The following MAN1A2 variants were observed in gnomAD, a reference collection of about 807,000 sequenced individuals.
The protein encoded by MAN1A2 is mannosyl-oligosaccharide 1,2-alpha-mannosidase IB.
MAN1A2 carries 26 observed loss-of-function variants against 75.7 expected under a neutral mutation model. The ratio of observed to expected loss-of-function variants is 0.34; its 90% confidence interval spans 0.25 to 0.48. The LOEUF (loss-of-function observed/expected upper bound fraction) is 0.48. MAN1A2 is among the 20% of genes least tolerant of loss of function. The probability of loss-of-function intolerance (pLI) is 0.99; values close to 1 mark genes in which losing one functional copy is unlikely to be tolerated. For missense variants in MAN1A2, 562 were observed against 775.5 expected (o/e 0.72, Z 3.27); for synonymous variants, 247 against 264.6 (o/e 0.93, Z 0.65).
chr1:117,431,406 C>T (rs1020616945), intron 5 of MAN1A2, among the ~76,000 whole-genome samples: 13 of 151,968 alleles, frequency 8.6e-5, no homozygotes, highest in South Asian at 6.2e-4. Context: ...GGTAATTCCA[C>T]AAAGATTGTT....
chr1:117,504,429 A>G (rs1194448804), intron 12 of MAN1A2, among the ~76,000 whole-genome samples: 1 of 150,580 alleles, frequency 6.6e-6, no homozygotes, highest in African/African-American at 2.4e-5. Context: ...ACACTCACAT[A>G]TACACATAGT....
chr1:117,373,190 A>G (rs1271486736), intron 1 of MAN1A2, among the ~76,000 whole-genome samples: 2 of 151,480 alleles, frequency 1.3e-5, no homozygotes, highest in Non-Finnish European at 2.9e-5. Flanking sequence ...AAGAGTAGAG[A>G]TTTCAAATCT....
chr1:117,524,311 G>C lies in MAN1A2; in HGVS notation c.*1354G>C, dbSNP rs919928075. On this transcript the variant is annotated 3_prime_UTR_variant, in exon 13 of 13. Coordinates refer to ENST00000356554, the MANE Select transcript of MAN1A2 (RefSeq NM_006699.5). ...CTAGTTCTTTATATTTTGACAAAAAGAACTTAAATTTTATCAGGAACTGTA... is the reference window on the plus strand; with the variant it reads ...CTAGTTCTTTATATTTTGACAAAAACAACTTAAATTTTATCAGGAACTGTA... 2 of 152,020 alleles carry C rather than the reference G, an allele frequency of 1.3e-5. No individual in the cohort carries two copies. The highest frequency in any genetic ancestry group is 3.0e-5 in the Non-Finnish European group (2 of 67,788). The allele number at this position is 152,020 out of a possible 1,614,324, so 9.4% of individuals were successfully genotyped here.
In MAN1A2 at chr1:117,523,472, G is replaced by A; in HGVS notation, c.*515G>A. 4.1e-6 allele frequency: 1 copy of A among 243,518 alleles called. No individual in the cohort carries two copies. The highest frequency in any genetic ancestry group is 2.3e-5 in the African/African-American group (1 of 43,264). 15.1% of individuals were successfully genotyped at this position (243,518 alleles called of 1,614,324 possible). ...ACAAAAGAATAGTATAATTATATCA[G>A]TAACAAGAAGACTCAAAAAAGAAAC... On this transcript the variant is annotated 3_prime_UTR_variant, in exon 13 of 13. Transcript: ENST00000356554.
chr1:117,495,643 A>G (rs1651016065), intron 9 of MAN1A2, among the ~76,000 whole-genome samples: 1 of 151,786 alleles, frequency 6.6e-6, no homozygotes, highest in Non-Finnish European at 1.5e-5. Flanking sequence ...ATATCTTTTA[A>G]TTGTAATATG....
At position 117,524,987 on chromosome 1, in the gene MAN1A2, G is replaced by T; in HGVS notation, c.*2030G>T. 1 of 370,472 alleles carries T rather than the reference G, an allele frequency of 2.7e-6. No homozygotes were observed. The highest frequency in any genetic ancestry group is 5.6e-6 in the Non-Finnish European group (1 of 177,224). 22.9% of individuals were successfully genotyped at this position (370,472 alleles called of 1,614,324 possible). A position where few individuals can be genotyped will look rare whatever the true frequency, so the allele number is the denominator to read the frequency against. ...GAGAAAAAGTGAAAAACTTGAGTTG[G>T]CAAAGATGCAGAGCAGCAGTGCAGA... is the stretch of plus-strand genomic sequence containing the variant. On this transcript the variant is annotated 3_prime_UTR_variant, in exon 13 of 13. Transcript: ENST00000356554.
intron 12 of MAN1A2, among the ~76,000 whole-genome samples, chr1:117,509,154 G>C (rs1651458501): frequency 6.6e-6 from 1 of 151,452 alleles, no homozygotes; most frequent in African/African-American, 2.4e-5. Context: ...ACTAAGTAAA[G>C]TAAAAGACAG....
chr1:117,445,880 G>GTATATATATATATATATATA (rs771435341), intron 6 of MAN1A2, among the ~76,000 whole-genome samples: 7 of 125,946 alleles, frequency 5.6e-5, no homozygotes, highest in Admixed American at 1.6e-4. Context: ...GTGTCTGTGT[G>GTATATATATATATATATATA]TGTGTATATA....
At chr1:117,372,528 C>T (rs968772040) in intron 1 of MAN1A2, among the ~76,000 whole-genome samples, 1 of 152,040 alleles carries the variant, frequency 6.6e-6, no homozygotes, top group Non-Finnish European at 1.5e-5. Flanking sequence ...TTAAGTAGTT[C>T]ATAAATAATC....
Position 117,496,058 on chromosome 1 carries a change from T to C in MAN1A2, c.1285-705T>C, listed in dbSNP as rs184653031. On this transcript the variant is annotated intron_variant, in intron 9 of 12. Transcript: ENST00000356554. ...AAACTCACATTATTATTATGGAGAA[T>C]ACAGAGTAAAATTTTCCAAGGCTGA... Among the ~76,000 whole-genome samples the C allele has an allele frequency of 2.2e-4, 33 of 152,048 alleles. 1 individual carries two copies. The highest frequency in any genetic ancestry group is 1.8e-3 in the East Asian group (9 of 5,140).
chr1:117,473,436 A>G (rs1650223857), intron 8 of MAN1A2, among the ~76,000 whole-genome samples: 1 of 152,042 alleles, frequency 6.6e-6, no homozygotes, highest in Non-Finnish European at 1.5e-5. Flanking sequence ...TATTCCTAAT[A>G]CAGGAGCCAG....
chr1:117,466,250 A>G (rs1649977341), intron 7 of MAN1A2, 84 bp from the exon 8 acceptor site: 1 of 871,742 alleles, frequency 1.1e-6, no homozygotes, highest in Non-Finnish European at 1.8e-6. Context: ...ATTCTGAGTA[A>G]GAAAAAACAC....
Position 117,523,379 on chromosome 1 carries a change from C to A in MAN1A2, c.*422C>A. The A allele has an allele frequency of 5.1e-6, 2 of 392,782 alleles. No individual in the cohort carries two copies. The highest frequency in any genetic ancestry group is 7.4e-5 in the East Asian group (1 of 13,502). 24.3% of individuals were successfully genotyped at this position (392,782 alleles called of 1,614,324 possible). ...TCCTACAGTGGAGCAGCATTCAAAT[C>A]AAATATTTACATATTGCTTATCACT... On this transcript the variant is annotated 3_prime_UTR_variant, in exon 13 of 13. Coordinates refer to ENST00000356554, the MANE Select transcript of MAN1A2 (RefSeq NM_006699.5).
At position 117,526,582 on chromosome 1, in the gene MAN1A2, A is replaced by G. The variant is rs951761473; in HGVS notation, c.*3625A>G. 6.6e-6 allele frequency: 1 copy of G among 151,542 alleles called. No homozygotes were observed. The highest frequency in any genetic ancestry group is 2.4e-5 in the African/African-American group (1 of 41,372). The allele number at this position is 151,542 out of a possible 1,614,324, so 9.4% of individuals were successfully genotyped here. A position where few individuals can be genotyped will look rare whatever the true frequency, so the allele number is the denominator to read the frequency against. ...TATTTTGCTATATCACTTTAATTGC[A>G]TAATTAAAAAGCAGTGTTTTATAGA... is the stretch of plus-strand genomic sequence containing the variant. On this transcript the variant is annotated 3_prime_UTR_variant, in exon 13 of 13. Coordinates refer to ENST00000356554, the MANE Select transcript of MAN1A2 (RefSeq NM_006699.5).
intron 6 of MAN1A2, among the ~76,000 whole-genome samples, chr1:117,453,595 A>G (rs760288507): frequency 6.6e-6 from 1 of 152,208 alleles, no homozygotes; most frequent in Non-Finnish European, 1.5e-5. Flanking sequence ...TGAATGGATG[A>G]GGAGTTGCTT....
intron 1 of MAN1A2, among the ~76,000 whole-genome samples, chr1:117,391,773 C>A (rs1231890729): frequency 6.6e-6 from 1 of 152,228 alleles, no homozygotes; most frequent in South Asian, 2.1e-4. Flanking sequence ...CATACACATT[C>A]ATCTCTTTCT....
chr1:117,515,018 A>G (rs1398331298), intron 12 of MAN1A2: 2 of 435,982 alleles, frequency 4.6e-6, no homozygotes, highest in South Asian at 1.9e-5. Flanking sequence ...ATTAAAGTAT[A>G]TGAAATGTAT....
intron 6 of MAN1A2, among the ~76,000 whole-genome samples, chr1:117,451,975 C>T (rs1189114712): frequency 1.3e-5 from 2 of 150,186 alleles, no homozygotes; most frequent in East Asian, 4.0e-4. Context: ...GGGACAGAGC[C>T]AGACCCTGTC....
At chr1:117,375,745 A>G (rs1240660347) in intron 1 of MAN1A2, among the ~76,000 whole-genome samples, 2 of 152,112 alleles carry the variant, frequency 1.3e-5, no homozygotes, top group African/African-American at 2.4e-5. Context: ...AAAGCATATT[A>G]TTATGTTTGG....
Sources: allele counts gnomAD v4.1 joint callset (sites outside exome capture counted in the v4.1 genomes callset), GRCh38; gene constraint gnomAD v4.1.1; transcripts MANE v1.5; gene names NCBI Gene and HGNC (gene_info 2026-07-23, HGNC 2026-07-21).